CDH23: variants seen among roughly 807,000 people sequenced by gnomAD.
CDH23 encodes cadherin-23.
In CDH23, 189 loss-of-function variants were observed where a neutral mutation model predicts 317.1. The ratio of observed to expected loss-of-function variants is 0.60; its 90% CI spans 0.53 to 0.67. The LOEUF is 0.67. CDH23 is among the 30% of genes least tolerant of loss of function. CDH23 has a pLI of 0.00. For missense variants in CDH23, 4,401 were observed against 4,592.4 expected, an observed-to-expected ratio of 0.96 and a Z score of 1.20; for synonymous variants, 1,839 against 1,876.8, an observed-to-expected ratio of 0.98 and a Z score of 0.52.
At chr10:71,666,893 T>G (rs1268627487) in intron 14 of CDH23, among the ~76,000 whole-genome samples, 1 of 152,222 alleles carries the variant, frequency 6.6e-6, no homozygotes, top group Admixed American at 6.5e-5. Flanking sequence ...GAATGATGAA[T>G]GAGGAAAGCA....
intron 11 of CDH23, among the ~76,000 whole-genome samples, chr10:71,643,228 G>A (rs553543473): frequency 1.3e-5 from 2 of 152,270 alleles, no homozygotes; most frequent in South Asian, 2.1e-4. Flanking sequence ...TGGTCATATA[G>A]GCATGGATTT....
chr10:71,630,110 C>A (rs868626121), intron 11 of CDH23, among the ~76,000 whole-genome samples: 24 of 152,150 alleles, frequency 1.6e-4, no homozygotes, highest in African/African-American at 5.6e-4. Context: ...CAGCCTCGAA[C>A]TCCTGGGCTC....
At chr10:71,784,097 C>A (rs1268429367) in intron 41 of CDH23, among the ~76,000 whole-genome samples, 190 bp from the exon 42 acceptor site, 1 of 152,204 alleles carries the variant, frequency 6.6e-6, no homozygotes, top group Non-Finnish European at 1.5e-5. Context: ...GATCCGCTAC[C>A]ACCCACCTGC....
rs747230971 is a variant in CDH23 at position 71,511,104 on chromosome 10, G to A, written c.337-16G>A. ...AGTCAGGTGGCGGCGCTAATTGCCC[G>A]CCTTTCTCTTGCCAGGTGATCACAC... On this transcript the variant is annotated splice_polypyrimidine_tract_variant and intron_variant, in intron 5 of 69. Coordinates refer to ENST00000224721, the MANE Select transcript of CDH23 (RefSeq NM_022124.6). The A allele has an allele frequency of 8.1e-6, 13 of 1,613,154 alleles. No individual in the cohort carries two copies. Among genetic ancestry groups the A allele is most frequent in the East Asian group, 6.7e-5 (3 of 44,894 alleles).
intron 22 of CDH23, among the ~76,000 whole-genome samples, chr10:71,700,224 T>C (rs1865532632): frequency 6.6e-6 from 1 of 152,036 alleles, no homozygotes; most frequent in African/African-American, 2.4e-5. Context: ...TTGTCTCTAT[T>C]AAAAATACAA....
chr10:71,609,783 T>C (rs1049900183), intron 9 of CDH23, among the ~76,000 whole-genome samples: 2 of 152,162 alleles, frequency 1.3e-5, no homozygotes, highest in Middle Eastern at 3.2e-3. Context: ...ACCAGCCCCA[T>C]TGTGCTGACA....
intron 11 of CDH23, among the ~76,000 whole-genome samples, chr10:71,625,253 GCAGAGTGAAC>G (rs1198205764): frequency 2.6e-5 from 4 of 151,644 alleles, no homozygotes; most frequent in Non-Finnish European, 5.9e-5. Context: ...GGCCTGCACT[GCAGAGTGAAC>G]GGGGACACAT....
At position 71,751,862 on chromosome 10, in the gene CDH23, C is replaced by T; in HGVS notation, c.4845+9941C>T. 1 of 1,545,052 alleles carries T rather than the reference C, an allele frequency of 6.5e-7. No individual in the cohort carries two copies. The highest frequency in any genetic ancestry group is 8.7e-7 in the Non-Finnish European group (1 of 1,144,566). ...GGGGTTTTCAATCCCTTGAATGTTG[C>T]TGCCACAGAACCAGAATGGAAGGTC... On this transcript the variant is annotated intron_variant, in intron 38 of 69. Transcript: ENST00000224721. This position sits in a 1 kb window ranked among gnomAD's most constrained non-coding sequence, Gnocchi z 4.9.
At chr10:71,740,443 T>C (rs1589389224) in intron 36 of CDH23, among the ~76,000 whole-genome samples, 1 of 152,208 alleles carries the variant, frequency 6.6e-6, no homozygotes, top group Non-Finnish European at 1.5e-5. Context: ...CAGAGGCCTT[T>C]GAAGCTAAAG....
At chr10:71,426,132 C>T (rs549437418) in intron 1 of CDH23, among the ~76,000 whole-genome samples, 10 of 152,246 alleles carry the variant, frequency 6.6e-5, no homozygotes, top group Middle Eastern at 6.8e-3. Flanking sequence ...GTTGAACAGG[C>T]GGACACTAGG....
intron 1 of CDH23, among the ~76,000 whole-genome samples, chr10:71,415,537 ATTTCT>A (rs1255881563): frequency 4.6e-5 from 7 of 152,204 alleles, no homozygotes; most frequent in Non-Finnish European, 7.4e-5. Flanking sequence ...CAGAATTTGT[ATTTCT>A]TTTCTTCAGT....
At chr10:71,447,534 A>G (rs551339995) in intron 3 of CDH23, among the ~76,000 whole-genome samples, 1 of 152,004 alleles carries the variant, frequency 6.6e-6, no homozygotes, top group Non-Finnish European at 1.5e-5. Flanking sequence ...CCCACGGCCC[A>G]GTAGCACTTT....
intron 33 of CDH23, 70 bp from the exon 34 acceptor site, chr10:71,734,586 C>T: frequency 6.3e-7 from 1 of 1,599,178 alleles, no homozygotes. Flanking sequence ...CTGGAAGAGC[C>T]ACAGACGGCT....
chr10:71,761,668 C>T, intron 38 of CDH23: 2 of 1,613,580 alleles, frequency 1.2e-6, no homozygotes, highest in Non-Finnish European at 8.5e-7. Flanking sequence ...TCTCCACCAC[C>T]AGGCAGCAGT....
intron 22 of CDH23, among the ~76,000 whole-genome samples, chr10:71,696,350 G>A (rs1023932107): frequency 1.3e-5 from 2 of 152,200 alleles, no homozygotes; most frequent in Admixed American, 1.3e-4. Flanking sequence ...CCTGGGATGT[G>A]CTCTGAGCCT....
At chr10:71,795,086 T>C (rs1841362939) in intron 48 of CDH23, among the ~76,000 whole-genome samples, 2 of 152,178 alleles carry the variant, frequency 1.3e-5, no homozygotes, top group Admixed American at 1.3e-4. Flanking sequence ...ACCATTTCCA[T>C]AAATGTAAAA....
At chr10:71,634,386 C>T (rs751109930) in intron 11 of CDH23, among the ~76,000 whole-genome samples, 5 of 152,250 alleles carry the variant, frequency 3.3e-5, no homozygotes, top group Non-Finnish European at 5.9e-5. Flanking sequence ...TAGCCCCCTG[C>T]CCCAACCCCA....
intron 51 of CDH23, 25 bp downstream of exon 51, chr10:71,799,305 G>T (rs781751962): frequency 6.2e-7 from 1 of 1,613,942 alleles, no homozygotes; most frequent in South Asian, 1.1e-5. Flanking sequence ...CACAGGCTGG[G>T]TCCAGGACCT....
rs1341052489 is a variant in CDH23, at chr10:71,778,069, G to T, written c.5068-120G>T. 1.1e-5 allele frequency: 17 copies of T among 1,480,246 alleles called. No individual in the cohort carries two copies. The Middle Eastern group carries it at 1.6e-3, about 135-fold the overall frequency. The allele number at this position is 1,480,246 out of a possible 1,614,324, so 91.7% of individuals were successfully genotyped here. On this transcript the variant is annotated intron_variant, in intron 39 of 69. Transcript: ENST00000224721. ...TTTGGTGGAGTGGAGCCTGGGCTAG[G>T]GGGTGGCAGTGGTTCCCCATCACAG...
Sources: gnomAD v4.1 joint callset for allele counts (sites outside exome capture counted in the v4.1 genomes callset) on GRCh38, gnomAD v4.1.1 for gene constraint, Gnocchi (gnomAD v3.1) non-coding constraint, MANE v1.5 for transcripts, NCBI Gene and HGNC (gene_info 2026-07-23, HGNC 2026-07-21) for gene names.